Variants in PTPRT observed in about 807,000 individuals in gnomAD.
The protein encoded by PTPRT is protein tyrosine phosphatase receptor type T, also known as receptor-type tyrosine-protein phosphatase T.
PTPRT carries 56 observed loss-of-function variants against 176.8 expected under a neutral mutation model. That is an observed-to-expected ratio of 0.32 (90% CI 0.26 to 0.40). The LOEUF is 0.40. PTPRT is among the 10% of genes least tolerant of loss of function. The probability of loss-of-function intolerance (pLI) is 1.00; values close to 1 mark genes in which losing one functional copy is unlikely to be tolerated. For missense variants in PTPRT, 1,540 were observed against 1,908.2 expected (o/e 0.81, Z 3.60); for synonymous variants, 783 against 739.0 (o/e 1.06, Z -0.96).
intron 16 of PTPRT, among the ~76,000 whole-genome samples, chr20:42,181,899 TA>T (rs558608227): frequency 0.027 from 4,100 of 150,730 alleles, 185 homozygotes; most frequent in African/African-American, 0.093. Context: ...GTAGTAAAAT[TA>T]AAAAAAAACA....
At chr20:42,422,492 A>G (rs1276450685) in intron 9 of PTPRT, among the ~76,000 whole-genome samples, 1 of 152,256 alleles carries the variant, frequency 6.6e-6, no homozygotes. Flanking sequence ...CAAAACCACC[A>G]TGAGATACCA....
intron 1 of PTPRT, among the ~76,000 whole-genome samples, chr20:43,068,457 A>C (rs2011141192): frequency 1.4e-5 from 2 of 146,662 alleles, no homozygotes; most frequent in Non-Finnish European, 3.0e-5. Flanking sequence ...AGTAGCCGAG[A>C]CCGCGCCACT....
chr20:42,160,327 C>G (rs1989535449), intron 17 of PTPRT, among the ~76,000 whole-genome samples: 1 of 152,162 alleles, frequency 6.6e-6, no homozygotes. Context: ...AGGAGAGTTG[C>G]AGAATTATTC....
At chr20:43,044,462 A>G (rs1036046668) in intron 1 of PTPRT, among the ~76,000 whole-genome samples, 1 of 152,200 alleles carries the variant, frequency 6.6e-6, no homozygotes, top group South Asian at 2.1e-4. Flanking sequence ...TGCTGCGATC[A>G]GTACATTTTA....
rs62203542 is a variant in PTPRT, at chr20:42,460,734, G to A, written c.1450+11532C>T. Among the ~76,000 whole-genome samples the A allele has an allele frequency of 8.8e-3, 1,332 of 152,188 alleles. 11 individuals are homozygous for A. The highest frequency in any genetic ancestry group is 0.014 in the Middle Eastern group (4 of 294). On this transcript the variant is annotated intron_variant, in intron 8 of 30. Transcript: ENST00000373187. Reference sequence around the variant, plus strand: ...TCCAACGTTCATTCTCCTTTTTGCCGCCTTGTGAAGAAAGTGCCTTGCTTC... The same window carrying A: ...TCCAACGTTCATTCTCCTTTTTGCCACCTTGTGAAGAAAGTGCCTTGCTTC...
At chr20:42,695,377 G>C (rs1446742917) in intron 6 of PTPRT, among the ~76,000 whole-genome samples, 2 of 152,092 alleles carry the variant, frequency 1.3e-5, no homozygotes, top group African/African-American at 4.8e-5. Flanking sequence ...TCAAATATTT[G>C]GTTCACAAAC....
rs913600498 is a variant in PTPRT, at chr20:42,685,455, T to A, written c.860-7296A>T. 9 of 152,142 alleles carry A rather than the reference T, an allele frequency of 5.9e-5. No individual in the cohort carries two copies. The East Asian group carries it at 1.5e-3, about 26-fold the overall frequency. 9.4% of individuals were successfully genotyped at this position (152,142 alleles called of 1,614,324 possible). The stretch of plus-strand genomic sequence containing the variant: ...AGCATGATCTTGTGCCAGACTGAAG[T>A]GAACACATAGCCCAATCTGTAAGAA... On this transcript the variant is annotated intron_variant, in intron 6 of 30. Transcript: ENST00000373187.
At chr20:42,503,387 C>A (rs945950418) in intron 7 of PTPRT, among the ~76,000 whole-genome samples, 1 of 151,964 alleles carries the variant, frequency 6.6e-6, no homozygotes, top group African/African-American at 2.4e-5. Context: ...TATGATCATT[C>A]AATTCTAAAT....
intron 16 of PTPRT, among the ~76,000 whole-genome samples, chr20:42,186,853 A>G (rs6093589): frequency 0.35 from 52,445 of 151,858 alleles, 9,364 homozygotes; most frequent in East Asian, 0.38. Context: ...AGGAAAATAG[A>G]TGGATTCTAG....
At chr20:42,201,320 C>CAGAAA (rs1991439857) in intron 15 of PTPRT, among the ~76,000 whole-genome samples, 1 of 151,974 alleles carries the variant, frequency 6.6e-6, no homozygotes, top group Non-Finnish European at 1.5e-5. Flanking sequence ...AAACAAAAAA[C>CAGAAA]AGAAAAGAAA....
intron 7 of PTPRT, among the ~76,000 whole-genome samples, chr20:42,534,829 A>C (rs778422637): frequency 1.3e-5 from 2 of 152,034 alleles, no homozygotes; most frequent in Non-Finnish European, 2.9e-5. Flanking sequence ...CCCTCTGTAA[A>C]ATGGGGCCAA....
intron 7 of PTPRT, among the ~76,000 whole-genome samples, chr20:42,545,502 C>T (rs751484835): frequency 6.6e-6 from 1 of 152,166 alleles, no homozygotes; most frequent in African/African-American, 2.4e-5. Context: ...CCATTTTGCT[C>T]AACCCACACT....
chr20:42,954,220 T>C (rs901599533), intron 1 of PTPRT, among the ~76,000 whole-genome samples: 1 of 152,218 alleles, frequency 6.6e-6, no homozygotes, highest in African/African-American at 2.4e-5. Flanking sequence ...TTCCAGGCTG[T>C]TGATGTCCCA....
intron 2 of PTPRT, among the ~76,000 whole-genome samples, chr20:42,814,835 C>T (rs901041223): frequency 1.3e-5 from 2 of 152,110 alleles, no homozygotes; most frequent in African/African-American, 4.8e-5. Flanking sequence ...TTTTGCTGAA[C>T]ACCAACATTA....
At chr20:42,974,161 T>A (rs1265404436) in intron 1 of PTPRT, among the ~76,000 whole-genome samples, 1 of 152,166 alleles carries the variant, frequency 6.6e-6, no homozygotes, top group African/African-American at 2.4e-5. Flanking sequence ...CGTGGCTCAA[T>A]GCAATGAGAA....
chr20:42,465,542 CA>C (rs1409108459), intron 8 of PTPRT, among the ~76,000 whole-genome samples: 4 of 151,886 alleles, frequency 2.6e-5, no homozygotes, highest in African/African-American at 9.7e-5. Context: ...ACTGAGTGAA[CA>C]AAAACACAAG....
chr20:42,336,993 G>A lies in PTPRT; in HGVS notation c.1865+13635C>T, dbSNP rs1177274403. Among the ~76,000 whole-genome samples, 3 of 152,154 alleles carry A rather than the reference G, an allele frequency of 2.0e-5. No homozygotes were observed. In the East Asian group the frequency reaches 5.8e-4, roughly 29 times the overall value. The stretch of plus-strand genomic sequence containing the variant: ...AGAGTCCTTAATAGGGGGCCTCGCA[G>A]CTACTTCAGTCACTGGGCAAGGGGA... On this transcript the variant is annotated intron_variant, in intron 11 of 30. Coordinates refer to ENST00000373187, the MANE Select transcript of PTPRT (RefSeq NM_007050.6).
chr20:42,527,686 G>A (rs891361313), intron 7 of PTPRT, among the ~76,000 whole-genome samples: 1 of 152,180 alleles, frequency 6.6e-6, no homozygotes, highest in Admixed American at 6.5e-5. Context: ...ATGGAAAAAT[G>A]TTGGAGGCTT....
Position 42,885,700 on chromosome 20 carries a change from C to A in PTPRT, c.214+107G>T, listed in dbSNP as rs1191339221. On this transcript the variant is annotated intron_variant, in intron 2 of 30. Coordinates refer to ENST00000373187, the MANE Select transcript of PTPRT (RefSeq NM_007050.6). ...GGGAACTCACTACCTACAGAGCTAT[C>A]GATTGCCATCTCAGAGAGCTCAATG... 2.8e-6 allele frequency: 4 copies of A among 1,409,940 alleles called. No homozygotes were observed. In the South Asian group the frequency reaches 4.0e-5, roughly 14 times the overall value. The allele number at this position is 1,409,940 out of a possible 1,614,324, so 87.3% of individuals were successfully genotyped here.
Sources: allele counts gnomAD v4.1 joint callset (sites outside exome capture counted in the v4.1 genomes callset), GRCh38; gene constraint gnomAD v4.1.1; transcripts MANE v1.5; gene names NCBI Gene and HGNC (gene_info 2026-07-23, HGNC 2026-07-21).